NOS1AP: variants seen among roughly 807,000 people sequenced by gnomAD.
The protein encoded by NOS1AP is nitric oxide synthase 1 adaptor protein.
NOS1AP carries 21 observed loss-of-function variants against 56.2 expected under a neutral mutation model. The observed-to-expected ratio is 0.37, with a 90% confidence interval of 0.26 to 0.54. The LOEUF is 0.54. Ranked by LOEUF, NOS1AP falls within the 20% of genes least tolerant of loss-of-function variation. The pLI is 0.84. For synonymous variants in NOS1AP, 270 were observed against 274.6 expected, an observed-to-expected ratio of 0.98 and a Z score of 0.17; for missense variants, 522 against 657.8, an observed-to-expected ratio of 0.79 and a Z score of 2.26.
At chr1:162,270,963 C>T (rs1199482747) in intron 2 of NOS1AP, among the ~76,000 whole-genome samples, 2 of 152,106 alleles carry the variant, frequency 1.3e-5, no homozygotes, top group Non-Finnish European at 2.9e-5. Flanking sequence ...ATGTATGTAA[C>T]TGTATGTACG....
chr1:162,218,024 T>C (rs1280721637), intron 2 of NOS1AP, among the ~76,000 whole-genome samples: 1 of 152,196 alleles, frequency 6.6e-6, no homozygotes, highest in Non-Finnish European at 1.5e-5. Context: ...AACTGAATCT[T>C]GGAGAGGTTG....
At chr1:162,277,973 A>G (rs183251621) in intron 2 of NOS1AP, among the ~76,000 whole-genome samples, 325 of 152,312 alleles carry the variant, frequency 2.1e-3, no homozygotes, top group Admixed American at 4.2e-3. Flanking sequence ...GATTATGTTC[A>G]GGATTTGCAC....
At chr1:162,253,850 A>G (rs1434649837) in intron 2 of NOS1AP, among the ~76,000 whole-genome samples, 1 of 152,082 alleles carries the variant, frequency 6.6e-6, no homozygotes, top group African/African-American at 2.4e-5. Context: ...AGTTTAGCTG[A>G]AGATTTATCT....
intron 2 of NOS1AP, among the ~76,000 whole-genome samples, chr1:162,192,571 G>A (rs1219630750): frequency 1.3e-5 from 2 of 152,160 alleles, no homozygotes; most frequent in Non-Finnish European, 2.9e-5. Flanking sequence ...AAAGGCTGTT[G>A]CCTGCCATGT....
At chr1:162,222,266 G>A (rs1652807106) in intron 2 of NOS1AP, among the ~76,000 whole-genome samples, 1 of 152,194 alleles carries the variant, frequency 6.6e-6, no homozygotes, top group African/African-American at 2.4e-5. Flanking sequence ...ATTGAGCATG[G>A]CAGTATACAA....
chr1:162,360,691 C>T (rs891770788), intron 8 of NOS1AP: 1 of 397,952 alleles, frequency 2.5e-6, no homozygotes, highest in African/African-American at 2.1e-5. Flanking sequence ...CCACCCCAGG[C>T]CCTCTATTTA....
intron 1 of NOS1AP, among the ~76,000 whole-genome samples, chr1:162,086,783 C>T (rs893071548): frequency 1.3e-5 from 2 of 152,160 alleles, no homozygotes; most frequent in African/African-American, 4.8e-5. Flanking sequence ...ACTTTCCCCT[C>T]CCAGCCATTC....
At chr1:162,119,393 C>T (rs1357425701) in intron 1 of NOS1AP, among the ~76,000 whole-genome samples, 1 of 152,078 alleles carries the variant, frequency 6.6e-6, no homozygotes, top group Non-Finnish European at 1.5e-5. Flanking sequence ...GCATTGAGCT[C>T]GTGTGTCTGC....
chr1:162,223,996 A>C (rs1652866125), intron 2 of NOS1AP, among the ~76,000 whole-genome samples: 1 of 152,176 alleles, frequency 6.6e-6, no homozygotes, highest in Non-Finnish European at 1.5e-5. Flanking sequence ...TCACTCTGTT[A>C]AGGGCACTCT....
chr1:162,070,329 G>A lies in NOS1AP; in HGVS notation c.105+47G>A, dbSNP rs201843502. On this transcript the variant is annotated intron_variant, in intron 1 of 9. Coordinates refer to ENST00000361897, the MANE Select transcript of NOS1AP (RefSeq NM_014697.3). ...TGCTACCTGTGGTGGCGGTTGGGGGGGCATGTTTGAGCGGATGGGATGCAC... is the reference window on the plus strand; with the variant it reads ...TGCTACCTGTGGTGGCGGTTGGGGGAGCATGTTTGAGCGGATGGGATGCAC... The A allele has an allele frequency of 2.0e-4, 310 of 1,521,296 alleles. 1 individual carries two copies. The East Asian group carries it at 4.2e-3, about 21-fold the overall frequency. The allele number at this position is 1,521,296 out of a possible 1,614,324, so 94.2% of individuals were successfully genotyped here.
At chr1:162,101,154 T>C (rs1647240270) in intron 1 of NOS1AP, among the ~76,000 whole-genome samples, 1 of 152,250 alleles carries the variant, frequency 6.6e-6, no homozygotes, top group South Asian at 2.1e-4. Flanking sequence ...TTTCTACATA[T>C]GGCTGGCCAG....
At position 162,312,309 on chromosome 1, in the gene NOS1AP, T is replaced by C. The variant is rs1317223670; in HGVS notation, c.344+11603T>C. 4.8e-3 allele frequency among the ~76,000 whole-genome samples: 690 copies of C among 144,488 alleles called. 3 individuals are homozygous for C. Among genetic ancestry groups the C allele is most frequent in the African/African-American group, 0.017 (640 of 38,414 alleles). 94.8% of individuals were successfully genotyped at this position (144,488 alleles called of 152,430 possible). A position where few individuals can be genotyped will look rare whatever the true frequency, so the allele number is the denominator to read the frequency against. ...GTGAGATGGTATCTCATTGTGGTTT[T>C]GATTTGCATTTCTCTGATAGCCAGT... On this transcript the variant is annotated intron_variant, in intron 4 of 9. Transcript: ENST00000361897.
chr1:162,232,165 C>T (rs1010112191), intron 2 of NOS1AP, among the ~76,000 whole-genome samples: 1 of 152,148 alleles, frequency 6.6e-6, no homozygotes. Flanking sequence ...GGGATTGACT[C>T]CAGTTAATTG....
intron 5 of NOS1AP, among the ~76,000 whole-genome samples, chr1:162,339,785 G>A (rs1433900719): frequency 6.6e-6 from 1 of 152,220 alleles, no homozygotes; most frequent in Non-Finnish European, 1.5e-5. Flanking sequence ...AACTAAGTGG[G>A]GTAGGCCTAG....
intron 1 of NOS1AP, among the ~76,000 whole-genome samples, chr1:162,124,195 G>C (rs1381005733): frequency 6.6e-6 from 1 of 152,044 alleles, no homozygotes; most frequent in African/African-American, 2.4e-5. Flanking sequence ...TTGTATAGCG[G>C]TGAAGTCTGG....
At chr1:162,163,061 G>A (rs1173451570) in intron 2 of NOS1AP, among the ~76,000 whole-genome samples, 1 of 152,092 alleles carries the variant, frequency 6.6e-6, no homozygotes, top group Non-Finnish European at 1.5e-5. Flanking sequence ...ACAATATGTG[G>A]CCTTTGGTAT....
At chr1:162,168,202 G>A (rs754613275) in intron 2 of NOS1AP, among the ~76,000 whole-genome samples, 23 of 152,286 alleles carry the variant, frequency 1.5e-4, no homozygotes, top group African/African-American at 4.3e-4. Context: ...TGACCACGAC[G>A]ATCCCTCTCT....
At chr1:162,255,144 A>G (rs1653983165) in intron 2 of NOS1AP, among the ~76,000 whole-genome samples, 1 of 151,984 alleles carries the variant, frequency 6.6e-6, no homozygotes, top group Non-Finnish European at 1.5e-5. Context: ...AGAGTTAATT[A>G]GCATCTGTCA....
rs191884637 is a variant in NOS1AP, at chr1:162,329,512, G to T, written c.345-3505G>T. On this transcript the variant is annotated intron_variant, in intron 4 of 9. Transcript: ENST00000361897. ...GTGAAAGTTGGGAAAATTGACTAAG[G>T]TACTTTTTGGAAGCAGGATTATCAG... is the stretch of plus-strand genomic sequence containing the variant. 1.1e-3 allele frequency among the ~76,000 whole-genome samples: 173 copies of T among 152,226 alleles called. 1 individual carries two copies. Among genetic ancestry groups the T allele is most frequent in the Non-Finnish European group, 1.9e-4 (13 of 68,000 alleles).
Sources: allele counts gnomAD v4.1 joint callset (sites outside exome capture counted in the v4.1 genomes callset), GRCh38; gene constraint gnomAD v4.1.1; transcripts MANE v1.5; gene names NCBI Gene and HGNC (gene_info 2026-07-23, HGNC 2026-07-21).